The following TMEM182 variants were observed in gnomAD, a reference collection of about 807,000 sequenced individuals.
TMEM182 encodes the protein transmembrane protein 182.
A neutral mutation model predicts 26.8 loss-of-function variants in TMEM182; 20 were observed. The ratio of observed to expected loss-of-function variants is 0.75; its 90% confidence interval spans 0.53 to 1.09. The LOEUF (loss-of-function observed/expected upper bound fraction) is 1.09, where lower values mean the gene tolerates loss of function less well. Ranked by LOEUF, TMEM182 falls within the 50% of genes least tolerant of loss-of-function variation. The pLI, the probability that TMEM182 is intolerant of heterozygous loss-of-function variation, is 0.00. For synonymous variants in TMEM182, 109 were observed against 102.2 expected (o/e 1.07, Z -0.40); for missense variants, 277 against 275.5 (o/e 1.01, Z -0.04).
intron 3 of TMEM182, among the ~76,000 whole-genome samples, chr2:102,791,826 C>T (rs1558774373): frequency 6.6e-6 from 1 of 151,972 alleles, no homozygotes; most frequent in Non-Finnish European, 1.5e-5. Flanking sequence ...TTCTACTAGG[C>T]ACAGTCCAAA....
At chr2:102,740,685 C>T (rs548168991) in intron 1 of TMEM182, among the ~76,000 whole-genome samples, 43 of 152,160 alleles carry the variant, frequency 2.8e-4, no homozygotes, top group Non-Finnish European at 6.0e-4. Flanking sequence ...TGCACACCTA[C>T]CCTGTGACCC....
chr2:102,767,816 A>T (rs1680512212), intron 3 of TMEM182, among the ~76,000 whole-genome samples: 1 of 152,232 alleles, frequency 6.6e-6, no homozygotes, highest in Non-Finnish European at 1.5e-5. Flanking sequence ...CTGAAGCAGA[A>T]TGCAATGAAC....
At chr2:102,765,288 G>T (rs1401454842) in intron 3 of TMEM182, among the ~76,000 whole-genome samples, 5 of 150,944 alleles carry the variant, frequency 3.3e-5, no homozygotes, top group African/African-American at 1.2e-4. Flanking sequence ...AGCTGATGTT[G>T]CAATCTCCAG....
chr2:102,782,839 A>G (rs916880390), intron 3 of TMEM182, among the ~76,000 whole-genome samples: 3 of 151,982 alleles, frequency 2.0e-5, no homozygotes, highest in Admixed American at 2.0e-4. Context: ...TTTTCTTTCT[A>G]TTTAGAAACA....
chr2:102,782,277 GAT>G (rs1267160165), intron 3 of TMEM182, among the ~76,000 whole-genome samples: 2 of 151,116 alleles, frequency 1.3e-5, no homozygotes, highest in Non-Finnish European at 2.9e-5. Context: ...AGTGAGCCGA[GAT>G]AGTGCCATTG....
At chr2:102,778,740 TAAGTA>T (rs1277112275) in intron 3 of TMEM182, among the ~76,000 whole-genome samples, 1 of 152,100 alleles carries the variant, frequency 6.6e-6, no homozygotes, top group Non-Finnish European at 1.5e-5. Flanking sequence ...TTTACCAATG[TAAGTA>T]AAGTGCAAAA....
chr2:102,774,254 T>C (rs981996946), intron 3 of TMEM182, among the ~76,000 whole-genome samples: 15 of 137,712 alleles, frequency 1.1e-4, no homozygotes, highest in Non-Finnish European at 1.9e-4. Context: ...TTCTTTCTTT[T>C]TTTTTTTTTT....
intron 4 of TMEM182, among the ~76,000 whole-genome samples, chr2:102,802,044 G>A (rs1038803437): frequency 1.1e-4 from 17 of 152,214 alleles, no homozygotes; most frequent in Admixed American, 3.3e-4. Context: ...CCAGCATATT[G>A]AGCTCTGCCC....
At chr2:102,784,397 A>T (rs1210528609) in intron 3 of TMEM182, among the ~76,000 whole-genome samples, 3 of 151,664 alleles carry the variant, frequency 2.0e-5, no homozygotes, top group Admixed American at 1.3e-4. Context: ...AAACACTCCC[A>T]TGCGAAACCA....
intron 1 of TMEM182, among the ~76,000 whole-genome samples, chr2:102,745,685 C>T (rs952357027): frequency 2.0e-5 from 3 of 152,110 alleles, no homozygotes; most frequent in Admixed American, 1.3e-4. Flanking sequence ...AACTTTCTGT[C>T]TCTATATATT....
chr2:102,753,743 A>G (rs1164470118), intron 1 of TMEM182, among the ~76,000 whole-genome samples: 1 of 152,226 alleles, frequency 6.6e-6, no homozygotes, highest in Non-Finnish European at 1.5e-5. Flanking sequence ...AATTTTGCCT[A>G]TGGCCAGCAG....
chr2:102,792,481 A>G (rs1366156346), intron 3 of TMEM182, among the ~76,000 whole-genome samples: 2 of 152,222 alleles, frequency 1.3e-5, no homozygotes, highest in Non-Finnish European at 2.9e-5. Flanking sequence ...CATGTGTTGA[A>G]GATTTTCTGA....
downstream of TMEM182, among the ~76,000 whole-genome samples, chr2:102,817,933 G>A (rs987341930): frequency 6.6e-6 from 1 of 152,104 alleles, no homozygotes; most frequent in African/African-American, 2.4e-5. Context: ...AATGGATGGT[G>A]GTTTATTCAG....
chr2:102,842,991 A>C (rs1307437102), intron 3 of TMEM182, among the ~76,000 whole-genome samples: 2 of 152,158 alleles, frequency 1.3e-5, no homozygotes. Context: ...TGGGCTTTTG[A>C]TACAATGTAT....
chr2:102,800,996 T>C (rs1682104995), intron 4 of TMEM182, among the ~76,000 whole-genome samples: 1 of 152,202 alleles, frequency 6.6e-6, no homozygotes, highest in African/African-American at 2.4e-5. Context: ...CTGGTGGATT[T>C]TTTCTTTTTG....
At chr2:102,764,624 G>T (rs1044857954) in intron 3 of TMEM182, among the ~76,000 whole-genome samples, 197 bp downstream of exon 3, 1 of 152,058 alleles carries the variant, frequency 6.6e-6, no homozygotes, top group Non-Finnish European at 1.5e-5. Flanking sequence ...TGATCTAAAA[G>T]TAAAGTCATT....
At chr2:102,775,006 A>T (rs1201358864) in intron 3 of TMEM182, 2 of 152,220 alleles carry the variant, frequency 1.3e-5, no homozygotes, top group Non-Finnish European at 2.9e-5. Flanking sequence ...TTGTCTATAT[A>T]TCTACAAAAA....
chr2:102,737,980 G>C (rs1181493667), intron 1 of TMEM182, among the ~76,000 whole-genome samples: 3 of 152,208 alleles, frequency 2.0e-5, no homozygotes, highest in Non-Finnish European at 4.4e-5. Context: ...ACTGAATAGG[G>C]AGAAGTGGAA....
chr2:102,746,507 C>A (rs2732832), intron 1 of TMEM182, among the ~76,000 whole-genome samples: 37,792 of 152,034 alleles, frequency 0.25, 4,733 homozygotes, highest in Middle Eastern at 0.28. Context: ...TTGCCTAACC[C>A]ATGACAATGA....
Sources: allele counts gnomAD v4.1 joint callset (sites outside exome capture counted in the v4.1 genomes callset), GRCh38; gene constraint gnomAD v4.1.1; transcripts MANE v1.5; gene names NCBI Gene and HGNC (gene_info 2026-07-23, HGNC 2026-07-21).